The following PPP3R1 variants were observed in gnomAD, a reference collection of about 807,000 sequenced individuals.
PPP3R1 encodes the protein protein phosphatase 3 regulatory subunit B, alpha.
PPP3R1 carries 5 observed loss-of-function variants against 22.6 expected under a neutral mutation model. The observed-to-expected ratio is 0.22, with a 90% CI of 0.12 to 0.46. The LOEUF (loss-of-function observed/expected upper bound fraction) is 0.46. PPP3R1 is among the 20% of genes least tolerant of loss of function. PPP3R1 has a pLI of 0.99. For missense variants in PPP3R1, 61 were observed against 203.2 expected (o/e 0.30, Z 4.25); for synonymous variants, 56 against 65.2 (o/e 0.86, Z 0.68).
intron 5 of PPP3R1, among the ~76,000 whole-genome samples, chr2:68,184,282 G>A (rs6546358): frequency 0.75 from 113,405 of 152,146 alleles, 43,321 homozygotes; most frequent in African/African-American, 0.93. Flanking sequence ...AGCCTTTCAC[G>A]GATTCTCCAT....
chr2:68,238,939 G>T (rs897465344), intron 1 of PPP3R1, among the ~76,000 whole-genome samples: 15 of 152,108 alleles, frequency 9.9e-5, no homozygotes, highest in African/African-American at 2.7e-4. Context: ...ATGCAACTCT[G>T]TAACCACAGT....
At chr2:68,212,339 C>T (rs930176883) in intron 2 of PPP3R1, among the ~76,000 whole-genome samples, 4 of 152,152 alleles carry the variant, frequency 2.6e-5, no homozygotes, top group Admixed American at 1.3e-4. Flanking sequence ...CCTTGGCCTC[C>T]GAAAGTGCTA....
At chr2:68,202,662 T>TGATC (rs1675006032) in intron 2 of PPP3R1, among the ~76,000 whole-genome samples, 1 of 151,856 alleles carries the variant, frequency 6.6e-6, no homozygotes, top group Non-Finnish European at 1.5e-5. Flanking sequence ...CGACCTCAGG[T>TGATC]GATCCACTTG....
At position 68,180,127 on chromosome 2, in the gene PPP3R1, C is replaced by T. The variant is rs1674370479; in HGVS notation, c.*836G>A. ...CCTTTATGTATAAAATCACAACTAG[C>T]ACTTAACGTTACTGAGGGACATTTA... On this transcript the variant is annotated 3_prime_UTR_variant, in exon 6 of 6. Coordinates refer to ENST00000234310, the MANE Select transcript of PPP3R1 (RefSeq NM_000945.4). The T allele has an allele frequency of 6.6e-6, 1 of 152,214 alleles. No homozygotes were observed. Among genetic ancestry groups the T allele is most frequent in the Non-Finnish European group, 1.5e-5 (1 of 68,054 alleles). The allele number at this position is 152,214 out of a possible 1,614,324, so 9.4% of individuals were successfully genotyped here. A position where few individuals can be genotyped will look rare whatever the true frequency, so the allele number is the denominator to read the frequency against.
At chr2:68,204,373 C>T (rs909020315) in intron 2 of PPP3R1, among the ~76,000 whole-genome samples, 2 of 34,416 alleles carry the variant, frequency 5.8e-5, no homozygotes, top group African/African-American at 5.7e-4. Flanking sequence ...TATCAGAATA[C>T]CTATGTCTTA....
chr2:68,241,966 C>T (rs1670146032), intron 1 of PPP3R1, among the ~76,000 whole-genome samples: 1 of 152,034 alleles, frequency 6.6e-6, no homozygotes, highest in South Asian at 2.1e-4. Flanking sequence ...TCTTTATCTA[C>T]ACTAACACAG....
intron 1 of PPP3R1, among the ~76,000 whole-genome samples, chr2:68,243,563 T>C (rs1235501926): frequency 6.6e-6 from 1 of 152,202 alleles, no homozygotes; most frequent in Non-Finnish European, 1.5e-5. Context: ...ATCCATGTTA[T>C]GTTTAATAAG....
chr2:68,220,867 G>C (rs1362529284), intron 1 of PPP3R1, among the ~76,000 whole-genome samples: 1 of 152,194 alleles, frequency 6.6e-6, no homozygotes, highest in Admixed American at 6.5e-5. Context: ...ACAGAATGTA[G>C]AGACTGGTGG....
intron 1 of PPP3R1, among the ~76,000 whole-genome samples, chr2:68,232,227 G>C (rs1474742831): frequency 2.9e-5 from 1 of 33,910 alleles, no homozygotes; most frequent in Non-Finnish European, 5.1e-5. Flanking sequence ...GTATATATGT[G>C]TGTGTGTGTG....
chr2:68,188,593 A>C lies in PPP3R1; in HGVS notation c.141T>G (p.Pro47=), dbSNP rs1225440774. The C allele has an allele frequency of 1.9e-6, 3 of 1,613,280 alleles. No individual in the cohort carries two copies. The highest frequency in any genetic ancestry group is 2.5e-6 in the Non-Finnish European group (3 of 1,179,514). The stretch of plus-strand genomic sequence containing the variant: ...GTACTAAAGGATTCTGTTGTAACTC[A>C]GGCAGAGACATGAACTCTTCCACAC... ...SLSVEEFMSL[P]ELQQNPLVQR... The change falls in exon 3 of 6, where the codon CCT becomes CCG. Residue 47 remains proline (P), a synonymous_variant. Coordinates refer to ENST00000234310, the MANE Select transcript of PPP3R1 (RefSeq NM_000945.4).
In PPP3R1 at chr2:68,192,611, T is replaced by A. The variant is rs973459523; in HGVS notation, c.44-3921A>T. ...CAAGAAGATAGCATTTCAGTCTTAA[T>A]AAATGAATAAAAAATATTAAGAATA... On this transcript the variant is annotated intron_variant, in intron 2 of 5. Transcript: ENST00000234310. Among the ~76,000 whole-genome samples, 4 of 152,140 alleles carry A rather than the reference T, an allele frequency of 2.6e-5. No individual in the cohort carries two copies. In the East Asian group the frequency reaches 5.8e-4, roughly 22 times the overall value.
Position 68,180,936 on chromosome 2 carries a change from G to A in PPP3R1, c.*27C>T. 1 of 1,601,612 alleles carries A rather than the reference G, an allele frequency of 6.2e-7. No homozygotes were observed. Among genetic ancestry groups the A allele is most frequent in the Non-Finnish European group, 8.6e-7 (1 of 1,169,038 alleles). On this transcript the variant is annotated 3_prime_UTR_variant, in exon 6 of 6. Coordinates refer to ENST00000234310, the MANE Select transcript of PPP3R1 (RefSeq NM_000945.4). ...TTCAGAGATGGAGAAGAAAGCAAAA[G>A]TGTTGGGTGGTACTCTCTGATAAGA...
At chr2:68,190,351 G>C (rs977677459) in intron 2 of PPP3R1, among the ~76,000 whole-genome samples, 5 of 151,372 alleles carry the variant, frequency 3.3e-5, no homozygotes, top group African/African-American at 7.3e-5. Context: ...GATCACCTGA[G>C]GTCAGGAGTT....
chr2:68,189,923 A>G (rs1436916530), intron 2 of PPP3R1, among the ~76,000 whole-genome samples: 1 of 152,064 alleles, frequency 6.6e-6, no homozygotes, highest in Non-Finnish European at 1.5e-5. Flanking sequence ...AAGAAAATTA[A>G]GAAGGCAAAT....
intron 2 of PPP3R1, among the ~76,000 whole-genome samples, chr2:68,198,189 T>TTTAC (rs1674843301): frequency 7.3e-6 from 1 of 137,334 alleles, no homozygotes; most frequent in African/African-American, 3.0e-5. Flanking sequence ...ATATATAATA[T>TTTAC]ATATTTACAT....
chr2:68,187,769 A>C (rs1674578161), intron 3 of PPP3R1, among the ~76,000 whole-genome samples: 1 of 152,222 alleles, frequency 6.6e-6, no homozygotes, highest in South Asian at 2.1e-4. Context: ...GATAAGCACT[A>C]AATCATAATC....
In PPP3R1 at chr2:68,252,194, G is replaced by C; in HGVS notation, c.-67C>G. On this transcript the variant is annotated 5_prime_UTR_variant, in exon 1 of 6. Transcript: ENST00000234310. ...AGAAGTGTTGCGCTCAGGCTGGCTC[G>C]CAGGAAACGGCGGCGGCGGCCCAGC... 2.3e-6 allele frequency: 3 copies of C among 1,282,452 alleles called. No individual in the cohort carries two copies. The highest frequency in any genetic ancestry group is 3.0e-6 in the Non-Finnish European group (3 of 988,646). The allele number at this position is 1,282,452 out of a possible 1,614,324, so 79.4% of individuals were successfully genotyped here.
At chr2:68,247,620 A>C (rs1270626905) in intron 1 of PPP3R1, among the ~76,000 whole-genome samples, 1 of 152,224 alleles carries the variant, frequency 6.6e-6, no homozygotes, top group African/African-American at 2.4e-5. Flanking sequence ...GCAAACTGGA[A>C]GTTTCTCGAG....
chr2:68,233,616 G>GT (rs1256951576), intron 1 of PPP3R1, among the ~76,000 whole-genome samples: 1 of 151,978 alleles, frequency 6.6e-6, no homozygotes, highest in African/African-American at 2.4e-5. Context: ...TCCCAAAGGT[G>GT]TATTTCCCAA....
Sources: allele counts gnomAD v4.1 joint callset (sites outside exome capture counted in the v4.1 genomes callset), GRCh38; gene constraint gnomAD v4.1.1; transcripts MANE v1.5; gene names NCBI Gene and HGNC (gene_info 2026-07-23, HGNC 2026-07-21).